ADAM9: variants seen among roughly 807,000 people sequenced by gnomAD.
ADAM9 encodes ADAM metallopeptidase domain 9.
In ADAM9, 54 loss-of-function variants were observed where a neutral mutation model predicts 108.1. The ratio of observed to expected loss-of-function variants is 0.50; its 90% CI spans 0.40 to 0.63. The LOEUF (loss-of-function observed/expected upper bound fraction) is 0.63, where lower values mean the gene tolerates loss of function less well. ADAM9 is among the 20% of genes least tolerant of loss of function. The pLI is 0.00. For missense variants in ADAM9, 830 were observed against 997.7 expected (o/e 0.83, Z 2.26); for synonymous variants, 316 against 336.0 (o/e 0.94, Z 0.65).
chr8:39,069,036 C>G (rs1478941923), intron 14 of ADAM9, among the ~76,000 whole-genome samples: 2 of 152,158 alleles, frequency 1.3e-5, no homozygotes, highest in African/African-American at 2.4e-5. Flanking sequence ...CCTCCTTATT[C>G]TCTATAGCCA....
intron 14 of ADAM9, among the ~76,000 whole-genome samples, chr8:39,058,635 C>T (rs1488075896): frequency 6.6e-6 from 1 of 152,134 alleles, no homozygotes; most frequent in Non-Finnish European, 1.5e-5. Flanking sequence ...TAGAAACTGC[C>T]TTCTTTGCCT....
At chr8:39,021,153 T>A (rs1032625235) in intron 7 of ADAM9, among the ~76,000 whole-genome samples, 5 of 152,264 alleles carry the variant, frequency 3.3e-5, no homozygotes, top group Non-Finnish European at 7.3e-5. Context: ...TACCTGTTTT[T>A]CTTTTATTCC....
intron 18 of ADAM9, among the ~76,000 whole-genome samples, chr8:39,088,917 C>G (rs977274505): frequency 6.6e-6 from 1 of 151,956 alleles, no homozygotes; most frequent in Non-Finnish European, 1.5e-5. Flanking sequence ...GAAAAACAGT[C>G]AAAGGACTGA....
rs1326189081 is a variant in ADAM9 at position 39,045,125 on chromosome 8, TGC to T, written c.1302+3009_1302+3010del. On this transcript the variant is annotated intron_variant, in intron 12 of 21. Coordinates refer to ENST00000487273, the MANE Select transcript of ADAM9 (RefSeq NM_003816.3). The stretch of plus-strand genomic sequence containing the variant: ...GTGTGCATACATACATATGTGTGTG[TGC>T]ATACATACATATATGTGTATATATG... 1.0e-4 allele frequency among the ~76,000 whole-genome samples: 10 copies of T among 97,852 alleles called. 2 individuals are homozygous for T. The highest frequency in any genetic ancestry group is 6.7e-4 in the South Asian group (2 of 2,994). 64.2% of individuals were successfully genotyped at this position (97,852 alleles called of 152,430 possible). A position where few individuals can be genotyped will look rare whatever the true frequency, so the allele number is the denominator to read the frequency against.
chr8:39,010,559 C>T (rs1455650589), intron 2 of ADAM9, among the ~76,000 whole-genome samples: 1 of 152,156 alleles, frequency 6.6e-6, no homozygotes, highest in Admixed American at 6.5e-5. Flanking sequence ...GTTGTCGAGT[C>T]CCTCCATGAC....
chr8:39,093,931 A>G (rs1301366812), intron 20 of ADAM9, among the ~76,000 whole-genome samples: 1 of 152,028 alleles, frequency 6.6e-6, no homozygotes, highest in Admixed American at 6.6e-5. Flanking sequence ...CACCCTGCCC[A>G]GCTAATTTTT....
At chr8:39,039,914 A>G (rs2129436073) in intron 11 of ADAM9, among the ~76,000 whole-genome samples, 2 of 152,282 alleles carry the variant, frequency 1.3e-5, no homozygotes, top group Middle Eastern at 3.4e-3. Flanking sequence ...GCTGGGTCAT[A>G]TGATAGTTCT....
intron 3 of ADAM9, among the ~76,000 whole-genome samples, chr8:39,012,585 G>A (rs1379698678): frequency 1.3e-5 from 2 of 152,170 alleles, no homozygotes; most frequent in Admixed American, 1.3e-4. Context: ...AGAAAATGTG[G>A]CACATAGACA....
chr8:39,011,349 A>C lies in ADAM9; in HGVS notation c.196-309A>C, dbSNP rs114390174. ...AGACAAAAGCAGGAACTATCTTTGT[A>C]CTGTAGGTAATACATCGATGGACTT... is the stretch of plus-strand genomic sequence containing the variant. On this transcript the variant is annotated intron_variant, in intron 2 of 21. Coordinates refer to ENST00000487273, the MANE Select transcript of ADAM9 (RefSeq NM_003816.3). 6.1e-3 allele frequency among the ~76,000 whole-genome samples: 927 copies of C among 152,340 alleles called. 14 individuals are homozygous for C. The highest frequency in any genetic ancestry group is 0.021 in the African/African-American group (881 of 41,572).
intron 18 of ADAM9, among the ~76,000 whole-genome samples, chr8:39,087,366 C>T (rs944845868): frequency 6.6e-6 from 1 of 152,124 alleles, no homozygotes; most frequent in Admixed American, 6.6e-5. Flanking sequence ...AAATCTGGTC[C>T]CTGTTATTCC....
chr8:39,096,136 T>C (rs2129443467), intron 20 of ADAM9, among the ~76,000 whole-genome samples: 1 of 149,832 alleles, frequency 6.7e-6, no homozygotes, highest in East Asian at 2.0e-4. Flanking sequence ...ACATGTGATA[T>C]TTTGAAACAA....
chr8:39,061,434 C>G (rs986946815), intron 14 of ADAM9, among the ~76,000 whole-genome samples: 4 of 152,210 alleles, frequency 2.6e-5, no homozygotes, highest in African/African-American at 9.7e-5. Context: ...AGCCCCTACT[C>G]TGACTTCTTG....
intron 9 of ADAM9, 44 bp downstream of exon 9, chr8:39,023,369 T>C (rs1836811991): frequency 6.5e-7 from 1 of 1,537,920 alleles, no homozygotes; most frequent in East Asian, 2.4e-5. Context: ...ATAATCAAAA[T>C]AATAATTTTT....
intron 11 of ADAM9, among the ~76,000 whole-genome samples, chr8:39,035,724 G>A (rs1343353871): frequency 6.6e-6 from 1 of 152,144 alleles, no homozygotes; most frequent in Non-Finnish European, 1.5e-5. Context: ...GGCTGAGGCA[G>A]GCGAATGGCA....
At chr8:39,032,408 C>T (rs555465294) in intron 11 of ADAM9, among the ~76,000 whole-genome samples, 1 of 152,260 alleles carries the variant, frequency 6.6e-6, no homozygotes, top group Non-Finnish European at 1.5e-5. Context: ...CAGGCTGCTG[C>T]CTCACAGGTC....
intron 14 of ADAM9, among the ~76,000 whole-genome samples, chr8:39,065,745 T>C (rs1400119628): frequency 6.6e-6 from 1 of 151,586 alleles, no homozygotes; most frequent in Non-Finnish European, 1.5e-5. Flanking sequence ...ATGTTAATGA[T>C]AATTTTTTTC....
chr8:39,007,639 TA>T (rs1461917658), intron 1 of ADAM9, among the ~76,000 whole-genome samples: 1 of 152,254 alleles, frequency 6.6e-6, no homozygotes, highest in African/African-American at 2.4e-5. Flanking sequence ...TGTATATTTA[TA>T]ATGTTTGGAT....
At chr8:38,997,198 T>C (rs986505263) in intron 1 of ADAM9, 38 bp downstream of exon 1, 1 of 1,576,026 alleles carries the variant, frequency 6.3e-7, no homozygotes, top group Non-Finnish European at 8.6e-7. Context: ...GGACGGCTGC[T>C]TCCTAGGGAC....
chr8:39,011,718 T>G lies in ADAM9; in HGVS notation c.254+2T>G. 6.2e-7 allele frequency: 1 copy of G among 1,607,282 alleles called. No individual in the cohort carries two copies. Among genetic ancestry groups the G allele is most frequent in the Non-Finnish European group, 8.5e-7 (1 of 1,173,844 alleles). On this transcript the variant is annotated splice_donor_variant, in intron 3 of 21. Coordinates refer to ENST00000487273, the MANE Select transcript of ADAM9 (RefSeq NM_003816.3). LOFTEE classifies it high-confidence loss of function. ...TATTATTCACTTGGAAAGGAACAAG[T>G]AAGACATTTAATTTATTTTGGCTTT...
Sources: gnomAD v4.1 joint callset for allele counts (sites outside exome capture counted in the v4.1 genomes callset) on GRCh38, gnomAD v4.1.1 for gene constraint, MANE v1.5 for transcripts, NCBI Gene and HGNC (gene_info 2026-07-23, HGNC 2026-07-21) for gene names.